ERCC3: variants seen among roughly 807,000 people sequenced by gnomAD.
ERCC3 encodes ERCC excision repair 3, TFIIH core complex helicase subunit, also known as general transcription and DNA repair factor IIH helicase/translocase subunit XPB.
ERCC3 carries 66 observed loss-of-function variants against 94.2 expected under a neutral mutation model. The ratio of observed to expected loss-of-function variants is 0.70; its 90% CI spans 0.57 to 0.86. ERCC3 has a LOEUF of 0.86. Ranked by LOEUF, ERCC3 falls within the 40% of genes least tolerant of loss-of-function variation. The pLI is 0.00. For synonymous variants in ERCC3, 349 were observed against 369.1 expected (o/e 0.95, Z 0.63); for missense variants, 829 against 987.1 (o/e 0.84, Z 2.15).
intron 2 of ERCC3, among the ~76,000 whole-genome samples, chr2:127,293,268 G>A (rs971614724): frequency 3.3e-5 from 5 of 152,238 alleles, no homozygotes; most frequent in Non-Finnish European, 7.3e-5. Context: ...ACATGGGGTA[G>A]GGCTGGGGAA....
rs1448280837 is a variant in ERCC3 at position 127,279,859 on chromosome 2, G to A, written c.1528-484C>T. On this transcript the variant is annotated intron_variant, in intron 9 of 14. Transcript: ENST00000285398. This position sits in a 1 kb window ranked among gnomAD's most constrained non-coding sequence, Gnocchi z 4.7. ...CCTAATACCTCCTATTGAACTGGAC[G>A]TTTTCACATGTTAACCACTTAAAAG... 1.3e-5 allele frequency among the ~76,000 whole-genome samples: 2 copies of A among 152,124 alleles called. No homozygotes were observed. The highest frequency in any genetic ancestry group is 2.4e-5 in the African/African-American group (1 of 41,432).
chr2:127,292,794 G>A lies in ERCC3; in HGVS notation c.287C>T (p.Ala96Val). Residue 96 changes from alanine to valine, a missense_variant, in exon 3 of 15, where the codon GCC becomes GTC. Transcript: ENST00000285398. ...TGCAATAGCCACCAAGAAGTCTTGG[G>A]CATATTTGTAAACTGGAGAGAAGGC... ...LEAFSPVYKY[A>V]QDFLVAIAEP... is the part of the protein sequence containing the mutation. 6.2e-7 allele frequency: 1 copy of A among 1,613,788 alleles called. No homozygotes were observed.
At chr2:127,283,481 C>T (rs144411775) in intron 8 of ERCC3, among the ~76,000 whole-genome samples, 70 of 152,300 alleles carry the variant, frequency 4.6e-4, no homozygotes, top group African/African-American at 1.6e-3. Context: ...CTTGTTTATC[C>T]AGACACCCAC....
In ERCC3 at chr2:127,286,317, G is replaced by A. The variant is rs979234892; in HGVS notation, c.1342+386C>T. 4.6e-5 allele frequency among the ~76,000 whole-genome samples: 7 copies of A among 152,296 alleles called. No homozygotes were observed. In the East Asian group the frequency reaches 1.2e-3, roughly 25 times the overall value. On this transcript the variant is annotated intron_variant, in intron 8 of 14. Coordinates refer to ENST00000285398, the MANE Select transcript of ERCC3 (RefSeq NM_000122.2). ...TGTAATCCCAGCACTTTGGGAGGAT[G>A]AGGTGGGTGGATCACGAGGTCAGGA...
At position 127,289,726 on chromosome 2, in the gene ERCC3, G is replaced by A; in HGVS notation, c.620C>T (p.Thr207Ile). The A allele has an allele frequency of 6.2e-7, 1 of 1,614,206 alleles. No homozygotes were observed. The highest frequency in any genetic ancestry group is 8.5e-7 in the Non-Finnish European group (1 of 1,180,030). ...TGTGAAAGTCTCTGTGATGAGCTCA[G>A]TGGCCTCCCCTTCAGAGTTTCTTAA... ...CRLRNSEGEA[T>I]ELITETFTSK... The change falls in exon 5 of 15, where the codon ACT (threonine) becomes ATT (isoleucine). Residue 207 changes from threonine to isoleucine, a missense_variant. Coordinates refer to ENST00000285398, the MANE Select transcript of ERCC3 (RefSeq NM_000122.2).
intron 6 of ERCC3, 101 bp downstream of exon 6, chr2:127,289,236 T>G: frequency 9.6e-7 from 1 of 1,039,610 alleles, no homozygotes; most frequent in Non-Finnish European, 1.5e-6. Context: ...CAACAGGGAC[T>G]CCTTCCTTTC....
At chr2:127,286,545 C>CA (rs111463049) in intron 8 of ERCC3, among the ~76,000 whole-genome samples, 158 bp downstream of exon 8, 2,720 of 125,716 alleles carry the variant, frequency 0.022, 35 homozygotes, top group Non-Finnish European at 0.026. Flanking sequence ...GACTCCCTCT[C>CA]AAAAAAAAAA....
rs4150403 is a variant in ERCC3 at position 127,292,492 on chromosome 2, C to T, written c.471+118G>A. ...CTGGGGTAATCAGTCGTTATGCTCC[C>T]CACAGGAAATCTGAATGGCACATTC... is the stretch of plus-strand genomic sequence containing the variant. On this transcript the variant is annotated intron_variant, in intron 3 of 14. Transcript: ENST00000285398. 0.064 allele frequency: 51,480 copies of T among 802,618 alleles called. 2,046 individuals carry two copies. The highest frequency in any genetic ancestry group is 0.082 in the Non-Finnish European group (36,914 of 448,892). The allele number at this position is 802,618 out of a possible 1,614,324, so 49.7% of individuals were successfully genotyped here.
rs1685075361 is a variant in ERCC3, at chr2:127,286,615, G to A, written c.1342+88C>T. On this transcript the variant is annotated intron_variant, in intron 8 of 14. Coordinates refer to ENST00000285398, the MANE Select transcript of ERCC3 (RefSeq NM_000122.2). The stretch of plus-strand genomic sequence containing the variant: ...GCAAGTCTTTCTAGCCAGTTGGGTG[G>A]GCTACACAGCAGTCCCTTTCCCAAC... 7 of 1,251,660 alleles carry A rather than the reference G, an allele frequency of 5.6e-6. No individual in the cohort carries two copies. The South Asian group carries it at 6.0e-5, about 11-fold the overall frequency. The allele number at this position is 1,251,660 out of a possible 1,614,324, so 77.5% of individuals were successfully genotyped here. A position where few individuals can be genotyped will look rare whatever the true frequency, so the allele number is the denominator to read the frequency against.
chr2:127,291,424 G>A lies in ERCC3; in HGVS notation c.472-1151C>T, dbSNP rs543662259. On this transcript the variant is annotated intron_variant, in intron 3 of 14. Coordinates refer to ENST00000285398, the MANE Select transcript of ERCC3 (RefSeq NM_000122.2). This position sits in a 1 kb window ranked among gnomAD's most constrained non-coding sequence, Gnocchi z 4.9. ...ACAGGCACCCACCACCATGCCTGGC[G>A]AATTTTTGTATTTTTAGTAGAGACA... Among the ~76,000 whole-genome samples the A allele has an allele frequency of 6.6e-6, 1 of 151,978 alleles. No individual in the cohort carries two copies. Among genetic ancestry groups the A allele is most frequent in the African/African-American group, 2.4e-5 (1 of 41,370 alleles).
intron 12 of ERCC3, among the ~76,000 whole-genome samples, chr2:127,266,459 C>T (rs1558949643): frequency 6.6e-6 from 1 of 150,814 alleles, no homozygotes; most frequent in Non-Finnish European, 1.5e-5. Context: ...CCTCAGCCTC[C>T]CGAGTAGCTG....
At chr2:127,278,445 A>G (rs138356449) in intron 10 of ERCC3, among the ~76,000 whole-genome samples, 2 of 152,300 alleles carry the variant, frequency 1.3e-5, no homozygotes, top group Non-Finnish European at 2.9e-5. Context: ...AACTTAAGAA[A>G]TTTAATCTTT....
rs1308116228 is a variant in ERCC3 at position 127,293,654 on chromosome 2, C to A, written c.93G>T (p.Gly31=). 2 of 1,614,146 alleles carry A rather than the reference C, an allele frequency of 1.2e-6. No homozygotes were observed. The highest frequency in any genetic ancestry group is 1.1e-5 in the South Asian group (1 of 91,088). The change falls in exon 2 of 15, where the codon GGG becomes GGT. Residue 31 remains glycine (G), a synonymous_variant. Transcript: ENST00000285398. ...AGGGAACCGCTTCCTGAGGGTCGTT[C>A]CCCGGGGCGTCCTCTTCATCATCCT... ...DEEDDEEDAP[G]NDPQEAVPSA...
intron 10 of ERCC3, among the ~76,000 whole-genome samples, chr2:127,276,860 G>A (rs72845946): frequency 8.7e-4 from 133 of 152,296 alleles, no homozygotes; most frequent in Admixed American, 2.2e-3. Context: ...AGCCACCACA[G>A]CAGACAACAC....
intron 12 of ERCC3, chr2:127,261,822 A>G (rs995720872): frequency 2.4e-5 from 5 of 207,660 alleles, no homozygotes; most frequent in East Asian, 1.2e-4. Context: ...AAAAAAGCAG[A>G]TAACTGCCAC....
At chr2:127,285,878 T>A (rs1478619503) in intron 8 of ERCC3, among the ~76,000 whole-genome samples, 2 of 151,380 alleles carry the variant, frequency 1.3e-5, no homozygotes, top group African/African-American at 4.9e-5. Flanking sequence ...AAAACTTGGA[T>A]CATGGTCATG....
rs1269391407 is a variant in ERCC3, at chr2:127,289,692, AG to A, written c.653del (p.Ser218LeufsTer18). On this transcript the variant is annotated frameshift_variant, in exon 5 of 15. Transcript: ENST00000285398. LOFTEE classifies it high-confidence loss of function. ...GGTGGCCCAGGAGTCCACATACGGC[AG>A]ATTTGCTTGTGAAAGTCTCTGTGAT... Reference protein sequence around the residue: ...ELITETFTSKSAISKTAESSG... With the variant: ...ELITETFTSKXAISKTAESSG... The A allele has an allele frequency of 6.2e-7, 1 of 1,614,170 alleles. No individual in the cohort carries two copies. Among genetic ancestry groups the A allele is most frequent in the Admixed American group, 1.7e-5 (1 of 60,024 alleles).
At chr2:127,262,309 A>G (rs1684211871) in intron 12 of ERCC3, 1 of 152,240 alleles carries the variant, frequency 6.6e-6, no homozygotes, top group Non-Finnish European at 1.5e-5. Flanking sequence ...CCTGGCCAAC[A>G]TGGTGAAACT....
intron 12 of ERCC3, among the ~76,000 whole-genome samples, chr2:127,266,311 G>A (rs1433814572): frequency 6.9e-6 from 1 of 145,012 alleles, no homozygotes; most frequent in East Asian, 2.0e-4. Context: ...GTATGATTTC[G>A]ACTTTTTTGA....
Sources: gnomAD v4.1 joint callset for allele counts (sites outside exome capture counted in the v4.1 genomes callset) on GRCh38, gnomAD v4.1.1 for gene constraint, Gnocchi (gnomAD v3.1) non-coding constraint, MANE v1.5 for transcripts, NCBI Gene and HGNC (gene_info 2026-07-23, HGNC 2026-07-21) for gene names.